The following SUCLA2 variants were observed in gnomAD, a reference collection of about 807,000 sequenced individuals.
SUCLA2 encodes succinate-CoA ligase ADP-forming subunit beta.
A neutral mutation model predicts 54.8 loss-of-function variants in SUCLA2; 30 were observed. The observed-to-expected ratio is 0.55, with a 90% CI of 0.41 to 0.74. The LOEUF (loss-of-function observed/expected upper bound fraction) is 0.74, where lower values mean the gene tolerates loss of function less well. Ranked by LOEUF, SUCLA2 falls within the 30% of genes least tolerant of loss-of-function variation. The pLI, the probability that SUCLA2 is intolerant of heterozygous loss-of-function variation, is 0.00. For synonymous variants in SUCLA2, 172 were observed against 188.9 expected, an observed-to-expected ratio of 0.91 and a Z score of 0.74; for missense variants, 476 against 562.9, an observed-to-expected ratio of 0.85 and a Z score of 1.56.
In SUCLA2 at chr13:47,957,779, G is replaced by A. The variant is rs559419775; in HGVS notation, c.803-3222C>T. Among the ~76,000 whole-genome samples the A allele has an allele frequency of 5.3e-5, 8 of 152,156 alleles. No individual in the cohort carries two copies. The South Asian group carries it at 6.2e-4, about 12-fold the overall frequency. On this transcript the variant is annotated intron_variant, in intron 6 of 10. Transcript: ENST00000646932. ...CAAGTGAGCGTCCTTTGTGGGTACC[G>A]GACAGTTGGATCAGCTCCTCTCAAT... is the stretch of plus-strand genomic sequence containing the variant.
rs1431461972 is a variant in SUCLA2, at chr13:47,968,686, T to C, written c.711A>G (p.Ala237=). ...GGCTGTAAAGCTTGACCATGTTTTC[T>C]GCTGCTGATTCCACAATATTAGGTG... The part of the protein sequence containing the change: ...GFPPNIVESA[A]ENMVKLYSLF... Residue 237 remains alanine (A), a synonymous_variant, in exon 6 of 11, where the codon GCA becomes GCG. Coordinates refer to ENST00000646932, the MANE Select transcript of SUCLA2 (RefSeq NM_003850.3). 1 of 1,612,216 alleles carries C rather than the reference T, an allele frequency of 6.2e-7. No homozygotes were observed. The highest frequency in any genetic ancestry group is 1.1e-5 in the South Asian group (1 of 90,994).
At chr13:48,000,927 G>A in intron 1 of SUCLA2, 1 of 1,380,004 alleles carries the variant, frequency 7.2e-7, no homozygotes, top group Non-Finnish European at 9.4e-7. Context: ...CCATCTCTTA[G>A]AAACTGCAGG....
rs1950125318 is a variant in SUCLA2 at position 47,988,695 on chromosome 13, T to A, written c.380A>T (p.Glu127Val). Residue 127 changes from glutamate (E) to valine (V), a missense_variant, in exon 4 of 11, where the codon GAA becomes GTA. Transcript: ENST00000646932. ...GGVKIVFSPE[E>V]AKAVSSQMIG... ...CATTTGTGAAGAAACAGCTTTTGCT[T>A]CTTCTGGACTAAAATAAGAAAAAGA... 6.2e-7 allele frequency: 1 copy of A among 1,613,686 alleles called. No homozygotes were observed. The highest frequency in any genetic ancestry group is 1.3e-5 in the African/African-American group (1 of 74,940).
chr13:48,000,757 C>T (rs1950223626), intron 1 of SUCLA2: 1 of 752,530 alleles, frequency 1.3e-6, no homozygotes, highest in Non-Finnish European at 1.7e-6. Flanking sequence ...GACATTCCCA[C>T]CTATGACAGC....
intron 6 of SUCLA2, among the ~76,000 whole-genome samples, chr13:47,958,106 T>C (rs374293460): frequency 2.0e-5 from 3 of 152,198 alleles, no homozygotes; most frequent in Admixed American, 2.0e-4. Context: ...TAAGCAGGGT[T>C]GAGCCTGGTT....
At chr13:47,958,272 G>A (rs1949837808) in intron 6 of SUCLA2, among the ~76,000 whole-genome samples, 1 of 152,174 alleles carries the variant, frequency 6.6e-6, no homozygotes, top group African/African-American at 2.4e-5. Flanking sequence ...TAAACAAAGT[G>A]TAACCATGTA....
chr13:47,959,413 A>AGAGGGAGAAGGAG (rs1179898969), intron 6 of SUCLA2, among the ~76,000 whole-genome samples: 6 of 142,748 alleles, frequency 4.2e-5, no homozygotes, highest in Admixed American at 7.1e-5. Context: ...AGAAGAAGGG[A>AGAGGGAGAAGGAG]GAGGGAGAAG....
intron 4 of SUCLA2, among the ~76,000 whole-genome samples, chr13:47,981,232 C>G (rs368551537): frequency 6.6e-6 from 1 of 152,012 alleles, no homozygotes; most frequent in East Asian, 1.9e-4. Flanking sequence ...TATGTAAGAT[C>G]TTCTACAACT....
chr13:47,985,807 T>G (rs533265534), intron 4 of SUCLA2, among the ~76,000 whole-genome samples: 25 of 152,278 alleles, frequency 1.6e-4, no homozygotes, highest in Non-Finnish European at 2.6e-4. Flanking sequence ...TTTGAGGAAT[T>G]GCCACACTGT....
At chr13:47,993,653 A>C (rs1408423033) in intron 2 of SUCLA2, among the ~76,000 whole-genome samples, 2 of 152,210 alleles carry the variant, frequency 1.3e-5, no homozygotes, top group Non-Finnish European at 2.9e-5. Context: ...CTGCCACCAC[A>C]GGACTGGGAA....
intron 2 of SUCLA2, among the ~76,000 whole-genome samples, chr13:47,994,610 T>G (rs561509227): frequency 1.3e-5 from 2 of 151,950 alleles, no homozygotes; most frequent in East Asian, 3.9e-4. Context: ...GTCCTCCATA[T>G]TTTCATAGAC....
intron 1 of SUCLA2, among the ~76,000 whole-genome samples, chr13:48,000,688 G>A (rs1000401170): frequency 5.9e-5 from 9 of 152,178 alleles, no homozygotes; most frequent in Admixed American, 6.5e-5. Flanking sequence ...TTGGAGGAGA[G>A]GGGAAACTTC....
intron 6 of SUCLA2, chr13:47,956,691 G>A (rs1375006366): frequency 1.3e-5 from 2 of 152,200 alleles, no homozygotes; most frequent in African/African-American, 4.8e-5. Context: ...TTGTCCCACA[G>A]GGGACATCAG....
intron 10 of SUCLA2, among the ~76,000 whole-genome samples, chr13:47,946,667 T>C (rs1949735002): frequency 1.3e-5 from 2 of 151,818 alleles, no homozygotes; most frequent in South Asian, 4.2e-4. Flanking sequence ...TTATTTCACA[T>C]GAATTTTAAA....
chr13:47,989,283 T>C (rs898495162), intron 2 of SUCLA2, among the ~76,000 whole-genome samples: 4 of 151,198 alleles, frequency 2.6e-5, no homozygotes, highest in South Asian at 2.1e-4. Flanking sequence ...CGATCTCGGC[T>C]CACTGTAAGC....
At chr13:47,967,080 G>A (rs1949925574) in intron 6 of SUCLA2, among the ~76,000 whole-genome samples, 1 of 152,080 alleles carries the variant, frequency 6.6e-6, no homozygotes, top group African/African-American at 2.4e-5. Context: ...TGTGTTTACA[G>A]ATCATTATCT....
At chr13:47,968,399 T>C (rs945747854) in intron 6 of SUCLA2, among the ~76,000 whole-genome samples, 196 bp downstream of exon 6, 2 of 152,206 alleles carry the variant, frequency 1.3e-5, no homozygotes, top group Admixed American at 6.5e-5. Flanking sequence ...TTTTTGTTTG[T>C]TTGTTTAATG....
At chr13:47,964,576 G>A (rs1949900470) in intron 6 of SUCLA2, among the ~76,000 whole-genome samples, 1 of 152,140 alleles carries the variant, frequency 6.6e-6, no homozygotes. Flanking sequence ...GTCATCATTG[G>A]GCCAGGCGTG....
At chr13:47,961,895 G>C (rs554221508) in intron 6 of SUCLA2, among the ~76,000 whole-genome samples, 3 of 152,198 alleles carry the variant, frequency 2.0e-5, no homozygotes, top group South Asian at 4.1e-4. Flanking sequence ...ATGGTCCAGG[G>C]CTTGCTTCTT....
Sources: allele counts gnomAD v4.1 joint callset (sites outside exome capture counted in the v4.1 genomes callset), GRCh38; gene constraint gnomAD v4.1.1; transcripts MANE v1.5; gene names NCBI Gene and HGNC (gene_info 2026-07-23, HGNC 2026-07-21).